DOLPP1: variants seen among roughly 807,000 people sequenced by gnomAD.
The protein encoded by DOLPP1 is dolichyldiphosphatase 1.
In DOLPP1, 15 loss-of-function variants were observed where a neutral mutation model predicts 34.1. The observed-to-expected ratio is 0.44, with a 90% confidence interval of 0.29 to 0.68. The LOEUF (loss-of-function observed/expected upper bound fraction) is 0.68, where lower values mean the gene tolerates loss of function less well. Ranked by LOEUF, DOLPP1 falls within the 30% of genes least tolerant of loss-of-function variation. The pLI, the probability that DOLPP1 is intolerant of heterozygous loss-of-function variation, is 0.12. For missense variants in DOLPP1, 249 were observed against 307.1 expected (o/e 0.81, Z 1.41); for synonymous variants, 130 against 128.2 (o/e 1.01, Z -0.10).
chr9:129,085,413 C>A lies in DOLPP1; in HGVS notation c.363-105C>A. On this transcript the variant is annotated intron_variant, in intron 4 of 7. Coordinates refer to ENST00000372546, the MANE Select transcript of DOLPP1 (RefSeq NM_020438.5). This position sits in a 1 kb window ranked among gnomAD's most constrained non-coding sequence, Gnocchi z 7.0. ...GCCCCTGGGGTGGGAGGGGCTGCAGCGGAGGCAGAAGGTACCCAGGGAGCA... is the reference window on the plus strand; with the variant it reads ...GCCCCTGGGGTGGGAGGGGCTGCAGAGGAGGCAGAAGGTACCCAGGGAGCA... 6.6e-7 allele frequency: 1 copy of A among 1,506,036 alleles called. No homozygotes were observed. The highest frequency in any genetic ancestry group is 9.2e-7 in the Non-Finnish European group (1 of 1,086,580). The allele number at this position is 1,506,036 out of a possible 1,614,324, so 93.3% of individuals were successfully genotyped here.
rs1444141689 is a variant in DOLPP1, at chr9:129,085,111, G to A, written c.262+4G>A. The A allele has an allele frequency of 6.2e-7, 1 of 1,601,168 alleles. No homozygotes were observed. Among genetic ancestry groups the A allele is most frequent in the Non-Finnish European group, 8.5e-7 (1 of 1,173,360 alleles). On this transcript the variant is annotated splice_donor_region_variant and intron_variant, in intron 3 of 7. Coordinates refer to ENST00000372546, the MANE Select transcript of DOLPP1 (RefSeq NM_020438.5). The surrounding 1 kb of genome is among the most constrained non-coding windows in gnomAD (Gnocchi z 7.0). ...CAGGAGCCACGGCCCTGTGGAGGTA[G>A]GGCCTCAGCTGCGAGGGCCTGAGGT...
At chr9:129,088,558 C>A (rs1218160727) in intron 7 of DOLPP1, among the ~76,000 whole-genome samples, 1 of 152,194 alleles carries the variant, frequency 6.6e-6, no homozygotes, top group Non-Finnish European at 1.5e-5. Flanking sequence ...CGCTTGCATA[C>A]CTCCCGGATG....
At chr9:129,083,409 C>A (rs1476884310) in intron 1 of DOLPP1, among the ~76,000 whole-genome samples, 1 of 152,206 alleles carries the variant, frequency 6.6e-6, no homozygotes, top group African/African-American at 2.4e-5. Flanking sequence ...CCCAGTGGGA[C>A]TGTGGCAGCA....
At chr9:129,084,863 C>A in intron 2 of DOLPP1, 95 bp downstream of exon 2, 1 of 1,037,700 alleles carries the variant, frequency 9.6e-7, no homozygotes. Flanking sequence ...GGGTTCTCAT[C>A]CCTGCGTCCA....
intron 7 of DOLPP1, among the ~76,000 whole-genome samples, chr9:129,087,083 G>GTT (rs1847003912): frequency 6.6e-6 from 1 of 152,198 alleles, no homozygotes; most frequent in Non-Finnish European, 1.5e-5. Flanking sequence ...GAACCAGAGA[G>GTT]CTGGGCAGCT....
rs745702001 is a variant in DOLPP1 at position 129,085,343 on chromosome 9, G to T, written c.362+37G>T. 8 of 1,591,184 alleles carry T rather than the reference G, an allele frequency of 5.0e-6. No homozygotes were observed. The highest frequency in any genetic ancestry group is 1.1e-5 in the South Asian group (1 of 90,580). Reference sequence around the variant, plus strand: ...CCCCGGTCAGGATGGCCCTGAACTTGCTCAGGCCGAGTTCTGCTAGGGACT... The same window carrying T: ...CCCCGGTCAGGATGGCCCTGAACTTTCTCAGGCCGAGTTCTGCTAGGGACT... On this transcript the variant is annotated intron_variant, in intron 4 of 7. Transcript: ENST00000372546. The surrounding 1 kb of genome is among the most constrained non-coding windows in gnomAD (Gnocchi z 7.0).
chr9:129,084,460 A>C, intron 1 of DOLPP1: 1 of 655,178 alleles, frequency 1.5e-6, no homozygotes, highest in East Asian at 2.5e-5. Context: ...TGCTGTGTGC[A>C]CTTTAGTGCT....
At chr9:129,088,142 A>T (rs1038074767) in intron 7 of DOLPP1, among the ~76,000 whole-genome samples, 1 of 13,298 alleles carries the variant, frequency 7.5e-5, no homozygotes, top group Non-Finnish European at 1.6e-4. Flanking sequence ...GGGTGGGGGG[A>T]GGTGGGGGGG....
In DOLPP1 at chr9:129,081,192, G is replaced by A. The variant is rs1846878793; in HGVS notation, c.61G>A (p.Val21Ile). Residue 21 changes from valine (V) to isoleucine (I), a missense_variant, in exon 1 of 8, where the codon GTC (valine) becomes ATC (isoleucine). Physicochemically the swap from Val to Ile is conservative, Grantham distance 29. Transcript: ENST00000372546. ...ASWRPVTLTHVEYPAGDLSGH... is the reference protein window; with the variant it reads ...ASWRPVTLTHIEYPAGDLSGH... The stretch of plus-strand genomic sequence containing the variant: ...ATGGCGGCCGGTGACCCTCACCCAC[G>A]TCGAATATCCTGCAGGTAAAAGGCG... 1.2e-6 allele frequency: 2 copies of A among 1,610,220 alleles called. No homozygotes were observed. The highest frequency in any genetic ancestry group is 1.7e-5 in the Admixed American group (1 of 59,996).
rs781624671 is a variant in DOLPP1 at position 129,085,208 on chromosome 9, C to A, written c.264C>A (p.Gly88=). ...GCCCTGGTCTCCTCTCTCTCCCAGG[C>A]CCCCACACAGCAGTGGGCACCAAGT... is the stretch of plus-strand genomic sequence containing the variant. ...NVIQEPRPCG[G]PHTAVGTKYG... is the part of the protein sequence containing the mutation. The change falls in exon 4 of 8, where the codon GGC becomes GGA. Residue 88 remains glycine (G), a splice_region_variant and synonymous_variant. Coordinates refer to ENST00000372546, the MANE Select transcript of DOLPP1 (RefSeq NM_020438.5). This position sits in a 1 kb window ranked among gnomAD's most constrained non-coding sequence, Gnocchi z 7.0. 1 of 1,613,794 alleles carries A rather than the reference C, an allele frequency of 6.2e-7. No individual in the cohort carries two copies. Among genetic ancestry groups the A allele is most frequent in the Non-Finnish European group, 8.5e-7 (1 of 1,179,808 alleles).
intron 7 of DOLPP1, among the ~76,000 whole-genome samples, chr9:129,088,597 T>A (rs28365571): frequency 1.3e-5 from 2 of 152,280 alleles, no homozygotes; most frequent in East Asian, 3.9e-4. Context: ...TGTACTTCTG[T>A]TTTGATCAAT....
chr9:129,086,884 G>T (rs532030809), intron 7 of DOLPP1, 86 bp downstream of exon 7: 2 of 1,127,074 alleles, frequency 1.8e-6, no homozygotes, highest in Non-Finnish European at 1.3e-6. Flanking sequence ...GGAGCCTCGC[G>T]CCTGCCTAAG....
chr9:129,090,076 G>C lies in DOLPP1; in HGVS notation c.*1069G>C, dbSNP rs1847068186. 6.6e-6 allele frequency: 1 copy of C among 152,604 alleles called. No individual in the cohort carries two copies. Among genetic ancestry groups the C allele is most frequent in the Admixed American group, 6.5e-5 (1 of 15,278 alleles). 9.5% of individuals were successfully genotyped at this position (152,604 alleles called of 1,614,324 possible). ...CCCCCATCTCTAAGTCACTCTGAAA[G>C]GGAGTTGTGGAGAGGAGACGCCTCC... On this transcript the variant is annotated 3_prime_UTR_variant, in exon 8 of 8. Coordinates refer to ENST00000372546, the MANE Select transcript of DOLPP1 (RefSeq NM_020438.5).
Position 129,081,230 on chromosome 9 carries a change from A to G in DOLPP1, c.76+23A>G, listed in dbSNP as rs758270330. The G allele has an allele frequency of 8.7e-6, 14 of 1,605,864 alleles. No individual in the cohort carries two copies. In the South Asian group the frequency reaches 1.1e-4, roughly 13 times the overall value. ...CAGGTAAAAGGCGGTCCCGGCTCCA[A>G]GGACGCCTTCCCAGGGACGGCCTCT... is the stretch of plus-strand genomic sequence containing the variant. On this transcript the variant is annotated intron_variant, in intron 1 of 7. Coordinates refer to ENST00000372546, the MANE Select transcript of DOLPP1 (RefSeq NM_020438.5).
Position 129,085,440 on chromosome 9 carries a change from T to C in DOLPP1, c.363-78T>C. 6.5e-7 allele frequency: 1 copy of C among 1,546,382 alleles called. No individual in the cohort carries two copies. The highest frequency in any genetic ancestry group is 8.9e-7 in the Non-Finnish European group (1 of 1,123,312). The stretch of plus-strand genomic sequence containing the variant: ...GAGGCAGAAGGTACCCAGGGAGCAT[T>C]TGGATGGGGCCAGGGACTGTTTGGG... On this transcript the variant is annotated intron_variant, in intron 4 of 7. Coordinates refer to ENST00000372546, the MANE Select transcript of DOLPP1 (RefSeq NM_020438.5). This position sits in a 1 kb window ranked among gnomAD's most constrained non-coding sequence, Gnocchi z 7.0.
At position 129,084,492 on chromosome 9, in the gene DOLPP1, A is replaced by G. The variant is rs1260533559; in HGVS notation, c.77-176A>G. 4 of 695,234 alleles carry G rather than the reference A, an allele frequency of 5.8e-6. No individual in the cohort carries two copies. The African/African-American group carries it at 7.0e-5, about 12-fold the overall frequency. The allele number at this position is 695,234 out of a possible 1,614,324, so 43.1% of individuals were successfully genotyped here. A position where few individuals can be genotyped will look rare whatever the true frequency, so the allele number is the denominator to read the frequency against. ...TGCTAAGTAGTAGACAGCATCACGT[A>G]TGGCTGTGACTGAGTTGGCACAATC... On this transcript the variant is annotated intron_variant, in intron 1 of 7. Coordinates refer to ENST00000372546, the MANE Select transcript of DOLPP1 (RefSeq NM_020438.5).
intron 1 of DOLPP1, among the ~76,000 whole-genome samples, chr9:129,082,316 C>CCCTG (rs954743714): frequency 2.8e-4 from 43 of 152,276 alleles, no homozygotes; most frequent in Non-Finnish European, 5.7e-4. Context: ...AGGTCCTGGG[C>CCCTG]CCTGCCTGCC....
chr9:129,081,179 G>A lies in DOLPP1; in HGVS notation c.48G>A (p.Val16=), dbSNP rs1846878294. 3.1e-6 allele frequency: 5 copies of A among 1,610,240 alleles called. No individual in the cohort carries two copies. Among genetic ancestry groups the A allele is most frequent in the Non-Finnish European group, 3.4e-6 (4 of 1,179,630 alleles). The change falls in exon 1 of 8, where the codon GTG becomes GTA. Residue 16 remains valine, a synonymous_variant. Coordinates refer to ENST00000372546, the MANE Select transcript of DOLPP1 (RefSeq NM_020438.5). The part of the protein sequence containing the change: ...QCSLPASWRP[V]TLTHVEYPAG... The stretch of plus-strand genomic sequence containing the variant: ...CGCTCCCCGCTTCATGGCGGCCGGT[G>A]ACCCTCACCCACGTCGAATATCCTG...
rs774266763 is a variant in DOLPP1 at position 129,089,002 on chromosome 9, C to T, written c.712C>T (p.Gln238Ter). The change falls in exon 8 of 8, where the codon CAG becomes TAG. Residue 238 changes from glutamine to a stop codon, truncating the protein, a stop_gained. Transcript: ENST00000372546. LOFTEE classifies it high-confidence loss of function. This position sits in a 1 kb window ranked among gnomAD's most constrained non-coding sequence, Gnocchi z 4.9. ...NRQRKLGTKLQ is the reference protein window; with the variant it reads ...NRQRKLGTKL ...ACAACGCAAGCTGGGGACGAAACTG[C>T]AGTGACCAGTGGGTGTGGCTGGGTC... is the stretch of plus-strand genomic sequence containing the variant. 4 of 1,613,936 alleles carry T rather than the reference C, an allele frequency of 2.5e-6. No homozygotes were observed. The highest frequency in any genetic ancestry group is 3.4e-6 in the Non-Finnish European group (4 of 1,179,976).
Sources: gnomAD v4.1 joint callset for allele counts (sites outside exome capture counted in the v4.1 genomes callset) on GRCh38, gnomAD v4.1.1 for gene constraint, Gnocchi (gnomAD v3.1) non-coding constraint, MANE v1.5 for transcripts, NCBI Gene and HGNC (gene_info 2026-07-23, HGNC 2026-07-21) for gene names.